The following NKAIN3 variants were observed in gnomAD, a reference collection of about 807,000 sequenced individuals.
NKAIN3 encodes sodium/potassium-transporting ATPase subunit beta-1-interacting protein 3.
Under a neutral mutation model 30.2 loss-of-function variants are expected in NKAIN3, and 25 were observed. That is an observed-to-expected ratio of 0.83 (90% CI 0.60 to 1.16). NKAIN3 has a LOEUF of 1.16. NKAIN3 is among the 50% of genes most tolerant of loss of function. The pLI, the probability that NKAIN3 is intolerant of heterozygous loss-of-function variation, is 0.00. For synonymous variants in NKAIN3, 91 were observed against 89.6 expected, an observed-to-expected ratio of 1.02 and a Z score of -0.09; for missense variants, 225 against 254.1, an observed-to-expected ratio of 0.89 and a Z score of 0.78.
intron 1 of NKAIN3, among the ~76,000 whole-genome samples, chr8:62,258,975 G>A (rs909100657): frequency 5.9e-5 from 9 of 152,176 alleles, no homozygotes; most frequent in African/African-American, 1.9e-4. Context: ...TCTGTACACT[G>A]CACAAAGGTG....
chr8:62,938,194 G>C (rs1401399727), intron 5 of NKAIN3, among the ~76,000 whole-genome samples: 1 of 152,050 alleles, frequency 6.6e-6, no homozygotes. Flanking sequence ...AAAGCTGAGT[G>C]CTCCTCCAGG....
intron 4 of NKAIN3, among the ~76,000 whole-genome samples, chr8:62,749,625 G>A (rs1433349450): frequency 1.4e-5 from 2 of 147,832 alleles, no homozygotes; most frequent in East Asian, 2.0e-4. Flanking sequence ...TCTTGTGTTT[G>A]TCACTTATTT....
intron 1 of NKAIN3, among the ~76,000 whole-genome samples, chr8:62,526,743 G>A (rs781164896): frequency 4.6e-5 from 7 of 152,112 alleles, no homozygotes; most frequent in Non-Finnish European, 7.4e-5. Flanking sequence ...AGAGTTTTCA[G>A]CCCTTCCTAC....
intron 4 of NKAIN3, among the ~76,000 whole-genome samples, chr8:62,867,904 A>G (rs1450498484): frequency 6.6e-6 from 1 of 152,248 alleles, no homozygotes; most frequent in Non-Finnish European, 1.5e-5. Context: ...CACTGAAAAT[A>G]TATACATATA....
chr8:62,925,842 C>T (rs962840130), intron 5 of NKAIN3, among the ~76,000 whole-genome samples: 2 of 152,092 alleles, frequency 1.3e-5, no homozygotes, highest in African/African-American at 4.8e-5. Context: ...CCTCTATGCT[C>T]CAGAGTTACA....
At chr8:62,590,823 T>C in intron 3 of NKAIN3, among the ~76,000 whole-genome samples, 1 of 151,792 alleles carries the variant, frequency 6.6e-6, no homozygotes, top group East Asian at 1.9e-4. Context: ...TTCTCCACTA[T>C]AATAACTGTA....
At chr8:62,520,698 G>T (rs776880896) in intron 1 of NKAIN3, among the ~76,000 whole-genome samples, 2 of 151,970 alleles carry the variant, frequency 1.3e-5, no homozygotes, top group African/African-American at 2.4e-5. Flanking sequence ...TTTGAAGTTT[G>T]GTTTCTCAGT....
intron 1 of NKAIN3, among the ~76,000 whole-genome samples, chr8:62,270,421 G>GT (rs1406758706): frequency 6.6e-6 from 1 of 151,656 alleles, no homozygotes; most frequent in African/African-American, 2.4e-5. Flanking sequence ...TATGCAATGT[G>GT]TTTTTTTAAT....
intron 1 of NKAIN3, among the ~76,000 whole-genome samples, chr8:62,454,427 G>C (rs938273617): frequency 3.3e-5 from 5 of 151,870 alleles, no homozygotes; most frequent in Middle Eastern, 3.2e-3. Flanking sequence ...GGTTGGATTG[G>C]ACAAGCTTGT....
chr8:62,434,538 G>T (rs1805111304), intron 1 of NKAIN3, among the ~76,000 whole-genome samples: 1 of 152,100 alleles, frequency 6.6e-6, no homozygotes, highest in African/African-American at 2.4e-5. Context: ...AATAATGTAT[G>T]ATTTTAGGGA....
chr8:62,946,759 A>G (rs1003499663), intron 5 of NKAIN3, among the ~76,000 whole-genome samples: 2 of 152,220 alleles, frequency 1.3e-5, no homozygotes, highest in Admixed American at 1.3e-4. Context: ...TAATACCTAC[A>G]TAGCAGGAAC....
chr8:62,297,524 A>C (rs999833847), intron 1 of NKAIN3, among the ~76,000 whole-genome samples: 1 of 152,032 alleles, frequency 6.6e-6, no homozygotes, highest in Non-Finnish European at 1.5e-5. Flanking sequence ...ACATGAACAG[A>C]CACTTCTCAA....
chr8:62,917,296 G>A (rs1348747408), intron 4 of NKAIN3, among the ~76,000 whole-genome samples: 1 of 152,178 alleles, frequency 6.6e-6, no homozygotes, highest in Non-Finnish European at 1.5e-5. Flanking sequence ...TGTAAGAAAT[G>A]TTAAGCTCCC....
At chr8:62,511,265 C>T (rs954439418) in intron 1 of NKAIN3, among the ~76,000 whole-genome samples, 10 of 152,150 alleles carry the variant, frequency 6.6e-5, no homozygotes, top group East Asian at 5.8e-4. Context: ...CCGCCTTCCG[C>T]GGGGTTCCCT....
Position 62,918,530 on chromosome 8 carries a change from C to T in NKAIN3, c.532+17C>T, listed in dbSNP as rs747589340. 2.5e-6 allele frequency: 4 copies of T among 1,576,234 alleles called. No homozygotes were observed. In the South Asian group the frequency reaches 3.3e-5, roughly 13 times the overall value. ...AAGACACATGTAAGTACTGTTTTCT[C>T]TCTCCCTGTGGGTTCCTTTTGAATG... is the stretch of plus-strand genomic sequence containing the variant. On this transcript the variant is annotated intron_variant, in intron 5 of 6. Transcript: ENST00000623646.
chr8:62,815,822 T>G (rs1187268022), intron 4 of NKAIN3, among the ~76,000 whole-genome samples: 1 of 151,876 alleles, frequency 6.6e-6, no homozygotes, highest in Non-Finnish European at 1.5e-5. Flanking sequence ...ATTGTGGAAG[T>G]TTTCAATTGC....
intron 1 of NKAIN3, among the ~76,000 whole-genome samples, chr8:62,501,958 A>G (rs887195882): frequency 1.3e-5 from 2 of 152,140 alleles, no homozygotes; most frequent in Non-Finnish European, 2.9e-5. Context: ...CTAGATGGAG[A>G]TTATGTTTAA....
chr8:62,852,187 G>A (rs1480820674), intron 4 of NKAIN3, among the ~76,000 whole-genome samples: 2 of 151,988 alleles, frequency 1.3e-5, no homozygotes, highest in Non-Finnish European at 2.9e-5. Flanking sequence ...GTCTTGGGAG[G>A]GTGTATGTGT....
intron 4 of NKAIN3, among the ~76,000 whole-genome samples, chr8:62,824,863 T>C (rs145720827): frequency 6.6e-6 from 1 of 152,168 alleles, no homozygotes; most frequent in Non-Finnish European, 1.5e-5. Context: ...CCATTTACCT[T>C]CTCCTGGAGG....
Sources: allele counts gnomAD v4.1 joint callset (sites outside exome capture counted in the v4.1 genomes callset), GRCh38; gene constraint gnomAD v4.1.1; transcripts MANE v1.5; gene names NCBI Gene and HGNC (gene_info 2026-07-23, HGNC 2026-07-21).